The following SNX25 variants were observed in gnomAD, a reference collection of about 807,000 sequenced individuals.
SNX25 encodes the protein sorting nexin-25.
In SNX25, 62 loss-of-function variants were observed where a neutral mutation model predicts 113.7. The ratio of observed to expected loss-of-function variants is 0.55; its 90% confidence interval spans 0.44 to 0.67. SNX25 has a LOEUF of 0.67. SNX25 is among the 30% of genes least tolerant of loss of function. SNX25 has a pLI of 0.00. For missense variants in SNX25, 1,014 were observed against 1,161.0 expected (o/e 0.87, Z 1.84); for synonymous variants, 421 against 436.2 (o/e 0.97, Z 0.43).
At position 185,351,462 on chromosome 4, in the gene SNX25, A is replaced by C. The variant is rs28435173; in HGVS notation, c.2319A>C (p.Glu773Asp). ...TTCCATAGAATCTGCTTTCAGATGA[A>C]AGACTGTGTCAGAGTGAAGCACTTT... is the stretch of plus-strand genomic sequence containing the variant. ...NKFLQNLLSD[E>D]RLCQSEALYA... The change falls in exon 14 of 19, where the codon GAA (glutamate) becomes GAC (aspartate). Residue 773 changes from glutamate to aspartate, a missense_variant. Glu to Asp is a conservative substitution (Grantham distance 45). Transcript: ENST00000652585. 10,471 of 1,613,830 alleles carry C rather than the reference A, an allele frequency of 6.5e-3. 522 individuals are homozygous for C. The African/African-American group carries it at 0.11, about 17-fold the overall frequency.
the SNX25 span, among the ~76,000 whole-genome samples, chr4:185,376,341 G>A: frequency 1.3e-5 from 2 of 151,848 alleles, no homozygotes; most frequent in African/African-American, 2.4e-5. Context: ...GCAGTGGCAC[G>A]ATCTCAGCTC....
chr4:185,377,121 G>A, the SNX25 span: 1 of 816,028 alleles, frequency 1.2e-6, no homozygotes, highest in African/African-American at 1.7e-5. Context: ...TGACATTCTT[G>A]CTTTCTAGTG....
At chr4:185,236,884 G>A (rs926467998) in intron 1 of SNX25, among the ~76,000 whole-genome samples, 3 of 152,170 alleles carry the variant, frequency 2.0e-5, no homozygotes, top group Non-Finnish European at 1.5e-5. Context: ...AGGTTACATA[G>A]TAAGTGTTGG....
At chr4:185,365,018 ATGTGTGTGTGTG>A (rs3841656), downstream of SNX25, 3 of 148,978 alleles carry the variant, frequency 2.0e-5, no homozygotes, top group East Asian at 5.9e-4. Context: ...GTGTGTGTGT[ATGTGTGTGTGTG>A]TGTGTGTGTG....
chr4:185,320,867 A>G lies in SNX25; in HGVS notation c.1476+3A>G. ...AACATTTAAAGAATGCTAACAAGGT[A>G]GTATATGTAGGCTGAAAGGAATATT... On this transcript the variant is annotated splice_donor_region_variant and intron_variant, in intron 8 of 18. Transcript: ENST00000652585. 1 of 1,586,658 alleles carries G rather than the reference A, an allele frequency of 6.3e-7. No homozygotes were observed. The highest frequency in any genetic ancestry group is 8.5e-7 in the Non-Finnish European group (1 of 1,169,652).
At chr4:185,367,984 C>T (rs1186794157), downstream of SNX25, among the ~76,000 whole-genome samples, 1 of 152,116 alleles carries the variant, frequency 6.6e-6, no homozygotes, top group Non-Finnish European at 1.5e-5. Context: ...TCGAGACCAT[C>T]CCGGCTAACA....
chr4:185,339,530 C>G lies in SNX25; in HGVS notation c.2046+20C>G. The G allele has an allele frequency of 6.3e-7, 1 of 1,591,342 alleles. No individual in the cohort carries two copies. Among genetic ancestry groups the G allele is most frequent in the Non-Finnish European group, 8.5e-7 (1 of 1,172,112 alleles). On this transcript the variant is annotated intron_variant, in intron 11 of 18. Coordinates refer to ENST00000652585, the MANE Select transcript of SNX25 (RefSeq NM_001378034.2). Reference sequence around the variant, plus strand: ...GGAGAGGTAGTTTTGACTGCTTTTCCTCTTAATTTATTTTAAAAGTTTGAC... The same window carrying G: ...GGAGAGGTAGTTTTGACTGCTTTTCGTCTTAATTTATTTTAAAAGTTTGAC...
intron 13 of SNX25, 44 bp downstream of exon 13, chr4:185,346,694 A>T: frequency 1.6e-6 from 2 of 1,287,224 alleles, no homozygotes; most frequent in Non-Finnish European, 2.2e-6. Context: ...AAAATTAGTT[A>T]TTTAGGGTTA....
intron 2 of SNX25, among the ~76,000 whole-genome samples, chr4:185,257,632 T>C (rs1170803591): frequency 6.6e-6 from 1 of 152,206 alleles, no homozygotes; most frequent in African/African-American, 2.4e-5. Context: ...ACCTGTTTCT[T>C]TTTACTTTTT....
rs1174250762 is a variant in SNX25, at chr4:185,353,633, T to A, written c.2584+31T>A. On this transcript the variant is annotated intron_variant, in intron 15 of 18. Coordinates refer to ENST00000652585, the MANE Select transcript of SNX25 (RefSeq NM_001378034.2). Reference sequence around the variant, plus strand: ...CTTCTTTGTTATTATTTAGTGGTATTTGCTAGTTAAGTGGTATATATAATC... The same window carrying A: ...CTTCTTTGTTATTATTTAGTGGTATATGCTAGTTAAGTGGTATATATAATC... 3.3e-6 allele frequency: 5 copies of A among 1,534,882 alleles called. No individual in the cohort carries two copies. The East Asian group carries it at 1.1e-4, about 35-fold the overall frequency.
In SNX25 at chr4:185,361,908, C is replaced by A; in HGVS notation, c.2652-16C>A. The A allele has an allele frequency of 6.2e-7, 1 of 1,610,636 alleles. No homozygotes were observed. The highest frequency in any genetic ancestry group is 8.5e-7 in the Non-Finnish European group (1 of 1,178,202). The stretch of plus-strand genomic sequence containing the variant: ...TTTTTAAAAACCTCATCCAAGAAAT[C>A]TTTTTCTCTTAAAAGACAAATCCGG... On this transcript the variant is annotated splice_polypyrimidine_tract_variant and intron_variant, in intron 16 of 18. Coordinates refer to ENST00000652585, the MANE Select transcript of SNX25 (RefSeq NM_001378034.2).
chr4:185,339,386 C>A lies in SNX25; in HGVS notation c.1922C>A (p.Ser641Tyr). 2 of 1,613,568 alleles carry A rather than the reference C, an allele frequency of 1.2e-6. No homozygotes were observed. Among genetic ancestry groups the A allele is most frequent in the Admixed American group, 1.7e-5 (1 of 59,970 alleles). The part of the protein sequence containing the change: ...NAPKPDKKIV[S>Y]KLKDEIILIE... Reference sequence around the variant, plus strand: ...ATATTTTCCCTGTGGCAGATTGTTTCCAAGTTGAAGGATGAAATAATCCTA... The same window carrying A: ...ATATTTTCCCTGTGGCAGATTGTTTACAAGTTGAAGGATGAAATAATCCTA... The change falls in exon 11 of 19, where the codon TCC (serine) becomes TAC (tyrosine). Residue 641 changes from serine to tyrosine, a missense_variant. Transcript: ENST00000652585.
upstream of SNX25, chr4:185,209,441 C>G (rs959746897): frequency 3.9e-5 from 6 of 152,246 alleles, no homozygotes; most frequent in African/African-American, 1.4e-4. The surrounding 1 kb of genome is among the most constrained non-coding windows in gnomAD (Gnocchi z 5.2). Flanking sequence ...CGCGCTGGGT[C>G]GCGCCCTCTC....
chr4:185,322,242 C>T (rs770382799), intron 8 of SNX25, among the ~76,000 whole-genome samples: 1 of 152,120 alleles, frequency 6.6e-6, no homozygotes, highest in Non-Finnish European at 1.5e-5. Flanking sequence ...ACCAGCCTGG[C>T]CGACATGGTG....
chr4:185,353,466 G>A lies in SNX25; in HGVS notation c.2467-19G>A. The A allele has an allele frequency of 6.3e-7, 1 of 1,589,594 alleles. No homozygotes were observed. Among genetic ancestry groups the A allele is most frequent in the Non-Finnish European group, 8.6e-7 (1 of 1,158,520 alleles). On this transcript the variant is annotated intron_variant, in intron 14 of 18. Coordinates refer to ENST00000652585, the MANE Select transcript of SNX25 (RefSeq NM_001378034.2). Reference sequence around the variant, plus strand: ...CTTGGATAAGTTATCTGCTTCCTATGACTTTGCTGTATTCCCAGGAGGAGA... The same window carrying A: ...CTTGGATAAGTTATCTGCTTCCTATAACTTTGCTGTATTCCCAGGAGGAGA...
chr4:185,327,448 T>G (rs998873331), intron 9 of SNX25, among the ~76,000 whole-genome samples: 10 of 152,250 alleles, frequency 6.6e-5, no homozygotes, highest in Non-Finnish European at 1.2e-4. Flanking sequence ...ATCTCTGACA[T>G]GCCTCAACTT....
intron 2 of SNX25, among the ~76,000 whole-genome samples, chr4:185,257,522 A>G (rs191541061): frequency 6.6e-6 from 1 of 152,306 alleles, no homozygotes; most frequent in East Asian, 1.9e-4. Flanking sequence ...AAAAAAGCAA[A>G]GTATTTTATT....
At chr4:185,271,182 CT>C (rs1329347895) in intron 5 of SNX25, among the ~76,000 whole-genome samples, 3 of 152,220 alleles carry the variant, frequency 2.0e-5, no homozygotes, top group African/African-American at 4.8e-5. Context: ...TGTCTTCCTT[CT>C]TACTACTAGG....
intron 13 of SNX25, among the ~76,000 whole-genome samples, chr4:185,349,548 C>G (rs189770826): frequency 1.8e-3 from 277 of 152,306 alleles, no homozygotes; most frequent in African/African-American, 6.1e-3. Flanking sequence ...CAAGGGTTCC[C>G]TTTTCTTTCA....
Sources: allele counts gnomAD v4.1 joint callset (sites outside exome capture counted in the v4.1 genomes callset), GRCh38; gene constraint gnomAD v4.1.1; non-coding constraint Gnocchi (gnomAD v3.1); transcripts MANE v1.5; gene names NCBI Gene and HGNC (gene_info 2026-07-23, HGNC 2026-07-21).